Variants in NFIC observed in about 807,000 individuals in gnomAD.
NFIC encodes nuclear factor I C.
Under a neutral mutation model 54.4 loss-of-function variants are expected in NFIC, and 12 were observed. That is an observed-to-expected ratio of 0.22 (90% confidence interval 0.14 to 0.36). The LOEUF is 0.36. Ranked by LOEUF, NFIC falls within the 10% of genes least tolerant of loss-of-function variation. The pLI is 1.00. For missense variants in NFIC, 575 were observed against 718.2 expected (o/e 0.80, Z 2.28); for synonymous variants, 322 against 319.2 (o/e 1.01, Z -0.09).
At chr19:3,417,106 C>T (rs892800206) in intron 2 of NFIC, among the ~76,000 whole-genome samples, 2 of 150,348 alleles carry the variant, frequency 1.3e-5, no homozygotes, top group Admixed American at 1.3e-4. Context: ...AGGATGGTCT[C>T]GATCTCCTGA....
chr19:3,367,466 GCCCCGT>G (rs2080914899), intron 1 of NFIC, among the ~76,000 whole-genome samples: 2 of 144,012 alleles, frequency 1.4e-5, no homozygotes. Flanking sequence ...CCCGGCACCT[GCCCCGT>G]CCCCTCCCCC....
chr19:3,436,267 C>T (rs975955558), intron 6 of NFIC, among the ~76,000 whole-genome samples: 2 of 151,580 alleles, frequency 1.3e-5, no homozygotes, highest in African/African-American at 2.4e-5. Context: ...GCCTCAGCCT[C>T]CCAAGTATCG....
chr19:3,463,111 GTT>G lies in NFIC; in HGVS notation c.*343_*344del. 1 of 1,216,422 alleles carries G rather than the reference GTT, an allele frequency of 8.2e-7. No individual in the cohort carries two copies. The highest frequency in any genetic ancestry group is 1.0e-6 in the Non-Finnish European group (1 of 974,222). The allele number at this position is 1,216,422 out of a possible 1,614,324, so 75.4% of individuals were successfully genotyped here. ...GACCCGGGACAGGGCGTCTTCCTAA[GTT>G]ATTCATCTCCTCTCCGCCTGCTGCT... On this transcript the variant is annotated 3_prime_UTR_variant, in exon 11 of 11. Transcript: ENST00000443272.
At position 3,456,616 on chromosome 19, in the gene NFIC, C is replaced by T. The variant is rs768921539; in HGVS notation, c.1490C>T (p.Ala497Val). The T allele has an allele frequency of 3.5e-6, 5 of 1,425,190 alleles. No homozygotes were observed. The highest frequency in any genetic ancestry group is 3.7e-6 in the Non-Finnish European group (4 of 1,068,226). 88.3% of individuals were successfully genotyped at this position (1,425,190 alleles called of 1,614,324 possible). The change falls in exon 10 of 11, where the codon GCG (alanine) becomes GTG (valine). Residue 497 changes from alanine (A) to valine (V), a missense_variant. By Grantham distance (64) the Ala-to-Val change is moderately conservative (BLOSUM62 0). Coordinates refer to ENST00000443272, the MANE Select transcript of NFIC (RefSeq NM_001245002.2). The stretch of plus-strand genomic sequence containing the variant: ...GTGGGATTAGGACCAAGGGATCCTG[C>T]GGGCATTTATCAGGCACAGGTAGGG... Reference protein sequence around the residue: ...SFVGLGPRDPAGIYQAQSWYL... With the variant: ...SFVGLGPRDPVGIYQAQSWYL...
chr19:3,386,394 C>T (rs2081297317), intron 2 of NFIC, among the ~76,000 whole-genome samples: 1 of 131,664 alleles, frequency 7.6e-6, no homozygotes, highest in Non-Finnish European at 1.5e-5. Flanking sequence ...GCGATCTTGG[C>T]TTACTGCAAC....
At chr19:3,406,669 G>A (rs1182284926) in intron 2 of NFIC, among the ~76,000 whole-genome samples, 1 of 152,154 alleles carries the variant, frequency 6.6e-6, no homozygotes, top group Non-Finnish European at 1.5e-5. Flanking sequence ...GCACAGGAAG[G>A]GGGCAGAGGC....
At chr19:3,422,376 CT>C (rs1407146032) in intron 2 of NFIC, among the ~76,000 whole-genome samples, 1 of 151,676 alleles carries the variant, frequency 6.6e-6, no homozygotes, top group Non-Finnish European at 1.5e-5. Context: ...GCCACTGCCC[CT>C]GGCTTAATCA....
chr19:3,452,486 C>T lies in NFIC; in HGVS notation c.1089C>T (p.Ile363=), dbSNP rs267605402. The change falls in exon 8 of 11, where the codon ATC becomes ATT. Residue 363 remains isoleucine (I), a synonymous_variant. Coordinates refer to ENST00000443272, the MANE Select transcript of NFIC (RefSeq NM_001245002.2). This position sits in a 1 kb window ranked among gnomAD's most constrained non-coding sequence, Gnocchi z 5.3. ...HRPVIAVHSG[I]ARSPHPSSAL... ...CGCTTCCCACTGTCTCCGCAGGGAT[C>T]GCCCGGAGCCCACACCCGTCCTCCG... 4 of 1,611,440 alleles carry T rather than the reference C, an allele frequency of 2.5e-6. No individual in the cohort carries two copies. Among genetic ancestry groups the T allele is most frequent in the Admixed American group, 1.7e-5 (1 of 59,994 alleles).
chr19:3,364,704 C>T (rs984686810), upstream of NFIC, among the ~76,000 whole-genome samples: 1 of 152,226 alleles, frequency 6.6e-6, no homozygotes, highest in South Asian at 2.1e-4. Context: ...CTTCACCTTC[C>T]AAAGGATTCT....
Position 3,463,173 on chromosome 19 carries a change from C to T in NFIC, c.*404C>T. The T allele has an allele frequency of 5.6e-6, 6 of 1,074,966 alleles. No individual in the cohort carries two copies. Among genetic ancestry groups the T allele is most frequent in the Non-Finnish European group, 6.8e-6 (6 of 887,086 alleles). 66.6% of individuals were successfully genotyped at this position (1,074,966 alleles called of 1,614,324 possible). A position where few individuals can be genotyped will look rare whatever the true frequency, so the allele number is the denominator to read the frequency against. ...CAGACGCCGGCCGCCCGCCCGCGCC[C>T]CGGAGGCCCTGGCTCTGTCCGGAGA... On this transcript the variant is annotated 3_prime_UTR_variant, in exon 11 of 11. Coordinates refer to ENST00000443272, the MANE Select transcript of NFIC (RefSeq NM_001245002.2).
At chr19:3,402,700 C>T (rs181281080) in intron 2 of NFIC, among the ~76,000 whole-genome samples, 4 of 152,302 alleles carry the variant, frequency 2.6e-5, no homozygotes, top group South Asian at 2.1e-4. Context: ...AGGGGCTCAG[C>T]GTAGACCTCT....
intron 2 of NFIC, among the ~76,000 whole-genome samples, chr19:3,403,484 G>A (rs980524687): frequency 1.3e-5 from 2 of 152,198 alleles, no homozygotes; most frequent in East Asian, 1.9e-4. Context: ...AGAGCAGGGC[G>A]GAGATGTGTC....
At position 3,370,688 on chromosome 19, in the gene NFIC, C is replaced by CTCTG. The variant is rs56816847; in HGVS notation, c.30+4030_30+4033dup. Among the ~76,000 whole-genome samples the CTCTG allele has an allele frequency of 0.093, 4,533 of 48,598 alleles. 310 individuals carry two copies. The highest frequency in any genetic ancestry group is 0.56 in the East Asian group (1,366 of 2,440). The allele number at this position is 48,598 out of a possible 152,430, so 31.9% of individuals were successfully genotyped here. On this transcript the variant is annotated intron_variant, in intron 1 of 10. Coordinates refer to ENST00000443272, the MANE Select transcript of NFIC (RefSeq NM_001245002.2). This position sits in a 1 kb window ranked among gnomAD's most constrained non-coding sequence, Gnocchi z 5.2. The stretch of plus-strand genomic sequence containing the variant: ...CTCCCTCTCTGTTCCTCTTCTTTCT[C>CTCTG]TCTGTCTGTCTCTTTCTTTCTCCCT...
intron 2 of NFIC, among the ~76,000 whole-genome samples, chr19:3,388,877 C>T (rs2081338364): frequency 6.7e-6 from 1 of 150,366 alleles, no homozygotes; most frequent in East Asian, 2.0e-4. Context: ...TGGTGGCTCA[C>T]ACATGTAATC....
intron 9 of NFIC, chr19:3,454,420 G>T: frequency 3.9e-6 from 1 of 254,020 alleles, no homozygotes; most frequent in Non-Finnish European, 6.2e-6. Context: ...GGTGACCTGG[G>T]CTGGACCACA....
At chr19:3,434,125 A>C in intron 4 of NFIC, 152 bp from the exon 5 acceptor site, 1 of 1,203,428 alleles carries the variant, frequency 8.3e-7, no homozygotes, top group South Asian at 1.5e-5. Context: ...GATCCATAGA[A>C]TAAAACTGGT....
chr19:3,365,681 T>C (rs1188008954), upstream of NFIC, among the ~76,000 whole-genome samples: 1 of 152,176 alleles, frequency 6.6e-6, no homozygotes, highest in Non-Finnish European at 1.5e-5. Flanking sequence ...AATTATTGGA[T>C]ACCCAGGGGG....
intron 2 of NFIC, among the ~76,000 whole-genome samples, chr19:3,423,352 G>A (rs1265926256): frequency 6.6e-6 from 1 of 152,186 alleles, no homozygotes; most frequent in Admixed American, 6.6e-5. Flanking sequence ...GTGCCCACGT[G>A]GAAGATGAGA....
At chr19:3,418,639 G>A (rs575320847) in intron 2 of NFIC, among the ~76,000 whole-genome samples, 2 of 152,222 alleles carry the variant, frequency 1.3e-5, no homozygotes, top group South Asian at 2.1e-4. Flanking sequence ...ATCACTTGAC[G>A]TCAGGAATTC....
Sources: gnomAD v4.1 joint callset for allele counts (sites outside exome capture counted in the v4.1 genomes callset) on GRCh38, gnomAD v4.1.1 for gene constraint, Gnocchi (gnomAD v3.1) non-coding constraint, MANE v1.5 for transcripts, NCBI Gene and HGNC (gene_info 2026-07-23, HGNC 2026-07-21) for gene names.